The following SHTN1 variants were observed in gnomAD, a reference collection of about 807,000 sequenced individuals.
SHTN1 encodes shootin-1.
Under a neutral mutation model 83.1 loss-of-function variants are expected in SHTN1, and 42 were observed. The observed-to-expected ratio is 0.51, with a 90% confidence interval of 0.39 to 0.65. SHTN1 has a LOEUF of 0.65. SHTN1 is among the 30% of genes least tolerant of loss of function. The pLI is 0.00. For synonymous variants in SHTN1, 224 were observed against 247.7 expected (o/e 0.90, Z 0.90); for missense variants, 622 against 737.8 (o/e 0.84, Z 1.82).
intron 11 of SHTN1, among the ~76,000 whole-genome samples, chr10:116,923,866 G>A (rs943273608): frequency 5.3e-5 from 8 of 152,022 alleles, no homozygotes; most frequent in Non-Finnish European, 8.8e-5. Flanking sequence ...TTTCTTAATC[G>A]TTCTAATTTC....
At chr10:117,077,827 CAT>C (rs1853183354) in intron 1 of SHTN1, among the ~76,000 whole-genome samples, 1 of 152,118 alleles carries the variant, frequency 6.6e-6, no homozygotes, top group Admixed American at 6.5e-5. Context: ...TTTATGGCTA[CAT>C]AGTGATTTAG....
chr10:116,938,005 A>G (rs1849235850), intron 9 of SHTN1, among the ~76,000 whole-genome samples: 1 of 151,684 alleles, frequency 6.6e-6, no homozygotes, highest in African/African-American at 2.4e-5. Context: ...TGTGTTTTTC[A>G]GCTCCATCAG....
In SHTN1 at chr10:116,901,828, G is replaced by A; in HGVS notation, c.1610C>T (p.Thr537Ile). 6.2e-7 allele frequency: 1 copy of A among 1,603,886 alleles called. No individual in the cohort carries two copies. The highest frequency in any genetic ancestry group is 1.1e-5 in the South Asian group (1 of 89,172). Residue 537 changes from threonine (T) to isoleucine (I), a missense_variant, in exon 16 of 17, where the codon ACA becomes ATA. By Grantham distance (89) the Thr-to-Ile change is moderately conservative (BLOSUM62 -1). Coordinates refer to ENST00000355371, the MANE Select transcript of SHTN1 (RefSeq NM_001127211.3). ...ACGGGGCCCTTCACCTGGCTCAGGT[G>A]TTGGGGGGGACGGGCTGTTGAATTC... ...EAEFNSPSPP[T>I]PEPGEGPRKL...
chr10:117,036,303 A>G (rs757561253), intron 2 of SHTN1, among the ~76,000 whole-genome samples: 2 of 152,190 alleles, frequency 1.3e-5, no homozygotes, highest in Non-Finnish European at 2.9e-5. Context: ...CAAAAGAAAA[A>G]AAATCAGTAT....
intron 4 of SHTN1, 53 bp from the exon 5 acceptor site, chr10:116,954,263 G>T: frequency 2.4e-6 from 3 of 1,234,024 alleles, no homozygotes; most frequent in Non-Finnish European, 2.2e-6. Context: ...TGAGTATCTT[G>T]GATTTTTAAA....
intron 12 of SHTN1, among the ~76,000 whole-genome samples, chr10:116,918,057 T>C (rs983745186): frequency 3.3e-5 from 5 of 152,234 alleles, no homozygotes; most frequent in Admixed American, 6.5e-5. Flanking sequence ...GCTCATGGTA[T>C]GTTTTGTAAT....
At chr10:116,964,198 C>T (rs189208740) in intron 3 of SHTN1, among the ~76,000 whole-genome samples, 9 of 152,284 alleles carry the variant, frequency 5.9e-5, no homozygotes, top group East Asian at 5.8e-4. Flanking sequence ...CAACTACCAT[C>T]GCCATTTGTT....
At chr10:117,037,165 A>G (rs1852509743) in intron 2 of SHTN1, among the ~76,000 whole-genome samples, 2 of 152,152 alleles carry the variant, frequency 1.3e-5, no homozygotes, top group South Asian at 4.1e-4. Context: ...ATAGCTAGAC[A>G]TCATGGTTCA....
Position 116,881,715 on chromosome 10 carries a change from AC to A in SHTN1, c.*4628del. 1 of 1,364,272 alleles carries A rather than the reference AC, an allele frequency of 7.3e-7. No individual in the cohort carries two copies. Among genetic ancestry groups the A allele is most frequent in the Non-Finnish European group, 9.5e-7 (1 of 1,049,144 alleles). 84.5% of individuals were successfully genotyped at this position (1,364,272 alleles called of 1,614,324 possible). On this transcript the variant is annotated 3_prime_UTR_variant, in exon 17 of 17. Transcript: ENST00000355371. ...CCAGCCACACCATCAGTATTAGTAG[AC>A]CGGGAGGTCTGAAGTACGGCGCCGT...
intron 2 of SHTN1, among the ~76,000 whole-genome samples, chr10:117,033,994 T>G (rs1852458316): frequency 6.6e-6 from 1 of 150,746 alleles, no homozygotes; most frequent in Non-Finnish European, 1.5e-5. Flanking sequence ...TGAGAAAAAC[T>G]CTAAAAAACC....
intron 2 of SHTN1, among the ~76,000 whole-genome samples, chr10:117,011,947 T>C (rs1037782056): frequency 8.5e-5 from 13 of 152,074 alleles, no homozygotes; most frequent in African/African-American, 2.2e-4. Flanking sequence ...GAGACAATCC[T>C]GGCTAACACG....
intron 14 of SHTN1, among the ~76,000 whole-genome samples, chr10:116,908,266 ATC>A (rs1848050923): frequency 6.6e-6 from 1 of 152,192 alleles, no homozygotes; most frequent in South Asian, 2.1e-4. Context: ...CCTTAGAAGT[ATC>A]TCTTTTTATT....
At chr10:116,911,712 A>G (rs1163343528) in intron 14 of SHTN1, 78 bp downstream of exon 14, 2 of 1,582,238 alleles carry the variant, frequency 1.3e-6, no homozygotes, top group Admixed American at 3.4e-5. Flanking sequence ...ACCACAAACA[A>G]TTCACAAAAA....
chr10:117,007,145 C>T (rs866115914), upstream of SHTN1, among the ~76,000 whole-genome samples: 1 of 151,672 alleles, frequency 6.6e-6, no homozygotes, highest in African/African-American at 2.4e-5. Context: ...CATGAAGATC[C>T]CCAGGAGATA....
At chr10:117,027,151 C>A (rs781731315) in intron 2 of SHTN1, among the ~76,000 whole-genome samples, 22 of 151,942 alleles carry the variant, frequency 1.4e-4, no homozygotes, top group Admixed American at 2.6e-4. Flanking sequence ...GGATCTGAAT[C>A]CCCACCCAAA....
intron 1 of SHTN1, 80 bp downstream of exon 1, chr10:117,004,942 C>A: frequency 4.5e-6 from 6 of 1,332,610 alleles, no homozygotes; most frequent in South Asian, 2.7e-5. Flanking sequence ...CGGCTTCCAA[C>A]TGCCCTGGCC....
intron 2 of SHTN1, among the ~76,000 whole-genome samples, chr10:117,038,017 A>AG (rs1852527044): frequency 6.6e-6 from 1 of 151,660 alleles, no homozygotes; most frequent in Admixed American, 6.6e-5. Flanking sequence ...AAAAAAAAAA[A>AG]AAAATCAGTG....
intron 1 of SHTN1, among the ~76,000 whole-genome samples, chr10:117,124,721 C>T (rs951755823): frequency 2.6e-5 from 4 of 152,162 alleles, no homozygotes; most frequent in Non-Finnish European, 5.9e-5. Flanking sequence ...TTGCAGTGAG[C>T]TGAGATCGCA....
chr10:116,968,870 T>A (rs1473781864), intron 2 of SHTN1, among the ~76,000 whole-genome samples, 158 bp from the exon 3 acceptor site: 1 of 151,802 alleles, frequency 6.6e-6, no homozygotes, highest in Non-Finnish European at 1.5e-5. Flanking sequence ...GAACTTGCAC[T>A]GCTCAGCCAG....
Sources: gnomAD v4.1 joint callset for allele counts (sites outside exome capture counted in the v4.1 genomes callset) on GRCh38, gnomAD v4.1.1 for gene constraint, MANE v1.5 for transcripts, NCBI Gene and HGNC (gene_info 2026-07-23, HGNC 2026-07-21) for gene names.